The following CA4 variants were observed in gnomAD, a reference collection of about 807,000 sequenced individuals.
The protein encoded by CA4 is CA-IV.
A neutral mutation model predicts 34.5 loss-of-function variants in CA4; 24 were observed. The ratio of observed to expected loss-of-function variants is 0.70; its 90% CI spans 0.50 to 0.98. The LOEUF is 0.98. Among genes scored for constraint, CA4 ranks in the 50% least tolerant of loss-of-function variants. CA4 has a pLI of 0.00. For synonymous variants in CA4, 178 were observed against 170.6 expected, an observed-to-expected ratio of 1.04 and a Z score of -0.34; for missense variants, 394 against 396.7, an observed-to-expected ratio of 0.99 and a Z score of 0.06.
chr17:60,149,988 C>G lies in CA4; in HGVS notation c.-47C>G, dbSNP rs367981628. ...GGATCGCTGCACCCGCGGCGGCCTC[C>G]TCGGTGCGCGACCCCCGGCTCAGAG... On this transcript the variant is annotated 5_prime_UTR_variant, in exon 1 of 8. Transcript: ENST00000300900. 796 of 1,541,598 alleles carry G rather than the reference C, an allele frequency of 5.2e-4. 3 individuals are homozygous for G. In the African/African-American group the frequency reaches 8.7e-3, roughly 17 times the overall value.
chr17:60,158,501 T>G, intron 7 of CA4, 55 bp downstream of exon 7: 1 of 1,575,894 alleles, frequency 6.3e-7, no homozygotes. Flanking sequence ...CCCCAGAAAT[T>G]ATCCCTCTGT....
chr17:60,162,938 C>A (rs964531885), downstream of CA4, among the ~76,000 whole-genome samples: 2 of 152,224 alleles, frequency 1.3e-5, no homozygotes, highest in Non-Finnish European at 2.9e-5. Context: ...GCACCCCGTC[C>A]CACCCATCTC....
At chr17:60,175,316 C>T (rs527948820), downstream of CA4, among the ~76,000 whole-genome samples, 1 of 151,586 alleles carries the variant, frequency 6.6e-6, no homozygotes, top group South Asian at 2.1e-4. Context: ...CACTTGTAAT[C>T]CCTGCACTTT....
At chr17:60,177,963 C>T in the CA4 span, among the ~76,000 whole-genome samples, 1 of 151,920 alleles carries the variant, frequency 6.6e-6, no homozygotes, top group African/African-American at 2.4e-5. Flanking sequence ...TAAAAAACTA[C>T]ACGAAAAAAA....
At chr17:60,162,819 G>A (rs1473607960), downstream of CA4, among the ~76,000 whole-genome samples, 2 of 152,120 alleles carry the variant, frequency 1.3e-5, no homozygotes, top group East Asian at 1.9e-4. Context: ...AGAGAGGGAC[G>A]GGGCACTTGT....
At chr17:60,152,636 G>A (rs552904307) in intron 1 of CA4, among the ~76,000 whole-genome samples, 4 of 152,324 alleles carry the variant, frequency 2.6e-5, no homozygotes, top group African/African-American at 9.6e-5. Flanking sequence ...GGCTTCTCCT[G>A]GAATGGCTGC....
At position 60,159,129 on chromosome 17, in the gene CA4, A is replaced by G. The variant is rs2083749292; in HGVS notation, c.745-101A>G. Reference sequence around the variant, plus strand: ...CAGGGGTTCAGAGCCCCTCTTTCCTAATGAGGGCTCCCAGGACAGGATGAG... The same window carrying G: ...CAGGGGTTCAGAGCCCCTCTTTCCTGATGAGGGCTCCCAGGACAGGATGAG... On this transcript the variant is annotated intron_variant, in intron 7 of 7. Coordinates refer to ENST00000300900, the MANE Select transcript of CA4 (RefSeq NM_000717.5). The G allele has an allele frequency of 1.1e-5, 11 of 1,035,296 alleles. No homozygotes were observed. In the South Asian group the frequency reaches 1.5e-4, roughly 14 times the overall value. 64.1% of individuals were successfully genotyped at this position (1,035,296 alleles called of 1,614,324 possible).
intron 5 of CA4, among the ~76,000 whole-genome samples, chr17:60,169,377 C>A (rs1467232003): frequency 2.6e-5 from 4 of 152,150 alleles, no homozygotes; most frequent in Non-Finnish European, 4.4e-5. Flanking sequence ...ATGCTCCAGA[C>A]AGGCATAAAC....
chr17:60,157,838 T>C, intron 5 of CA4, 50 bp downstream of exon 5: 2 of 1,561,346 alleles, frequency 1.3e-6, no homozygotes, highest in Non-Finnish European at 1.8e-6. Flanking sequence ...TGAGAGCTTC[T>C]TCTTAGGATT....
chr17:60,150,193 G>A (rs2083564356), intron 1 of CA4, 101 bp downstream of exon 1: 3 of 1,027,090 alleles, frequency 2.9e-6, no homozygotes, highest in African/African-American at 1.6e-5. Context: ...ACCGGTGAGC[G>A]TCGGTGGCGC....
downstream of CA4, among the ~76,000 whole-genome samples, chr17:60,164,366 G>T (rs7216605): frequency 0.028 from 4,005 of 142,136 alleles, 163 homozygotes; most frequent in African/African-American, 0.079. Flanking sequence ...CTGTCTGTCT[G>T]TCTGTCTTTC....
chr17:60,152,305 T>A (rs915016244), intron 1 of CA4, among the ~76,000 whole-genome samples: 2 of 151,970 alleles, frequency 1.3e-5, no homozygotes, highest in Non-Finnish European at 2.9e-5. Flanking sequence ...TGGGTGCTCC[T>A]GCCACCAGCA....
intron 3 of CA4, chr17:60,157,102 C>G: frequency 1.9e-6 from 1 of 532,914 alleles, no homozygotes; most frequent in Non-Finnish European, 3.4e-6. Context: ...ATCACCCAGG[C>G]CTGAGGAGTT....
At chr17:60,153,766 C>T (rs1321092285) in intron 1 of CA4, among the ~76,000 whole-genome samples, 1 of 152,214 alleles carries the variant, frequency 6.6e-6, no homozygotes, top group African/African-American at 2.4e-5. Context: ...GTGGCCACTG[C>T]CCTCTGCAGA....
At chr17:60,169,103 C>T (rs533654924) in intron 5 of CA4, among the ~76,000 whole-genome samples, 31 of 152,022 alleles carry the variant, frequency 2.0e-4, no homozygotes, top group African/African-American at 6.3e-4. Flanking sequence ...AAAAATTAGC[C>T]GGGCATGGTG....
intron 1 of CA4, among the ~76,000 whole-genome samples, chr17:60,151,226 A>T (rs1481669225): frequency 6.6e-6 from 1 of 152,012 alleles, no homozygotes; most frequent in Non-Finnish European, 1.5e-5. Flanking sequence ...GGGTCCACGC[A>T]GGCTGAAACC....
chr17:60,152,880 C>T (rs767919149), intron 1 of CA4, among the ~76,000 whole-genome samples: 28 of 152,186 alleles, frequency 1.8e-4, no homozygotes, highest in East Asian at 5.8e-4. Context: ...AAAATGAGGC[C>T]GAGATTTGCT....
intron 7 of CA4, 92 bp from the exon 8 acceptor site, chr17:60,159,137 CT>C: frequency 1.8e-6 from 2 of 1,115,536 alleles, no homozygotes. Flanking sequence ...CTAATGAGGG[CT>C]CCCAGGACAG....
chr17:60,162,439 C>T (rs1279687778), downstream of CA4, among the ~76,000 whole-genome samples: 3 of 152,078 alleles, frequency 2.0e-5, no homozygotes, highest in Non-Finnish European at 4.4e-5. Flanking sequence ...AGACAGTTCC[C>T]TCTGAGGGCG....
Sources: gnomAD v4.1 joint callset for allele counts (sites outside exome capture counted in the v4.1 genomes callset) on GRCh38, gnomAD v4.1.1 for gene constraint, MANE v1.5 for transcripts, NCBI Gene and HGNC (gene_info 2026-07-23, HGNC 2026-07-21) for gene names.